The following PRKAR1B variants were observed in gnomAD, a reference collection of about 807,000 sequenced individuals.
PRKAR1B encodes cAMP-dependent protein kinase type I-beta regulatory subunit.
A neutral mutation model predicts 46.5 loss-of-function variants in PRKAR1B; 22 were observed. The observed-to-expected ratio is 0.47, with a 90% CI of 0.34 to 0.68. The LOEUF (loss-of-function observed/expected upper bound fraction) is 0.68. Among genes scored for constraint, PRKAR1B ranks in the 30% least tolerant of loss-of-function variants. The pLI is 0.01. For synonymous variants in PRKAR1B, 259 were observed against 217.7 expected (o/e 1.19, Z -1.67); for missense variants, 445 against 535.6 (o/e 0.83, Z 1.67).
intron 4 of PRKAR1B, among the ~76,000 whole-genome samples, chr7:634,223 T>C (rs1007143332): frequency 1.3e-5 from 2 of 151,722 alleles, no homozygotes; most frequent in East Asian, 2.0e-4. Flanking sequence ...GGGTTTCAAA[T>C]GTGTTGGCCA....
chr7:673,376 G>A (rs904030622), intron 4 of PRKAR1B, among the ~76,000 whole-genome samples: 10 of 152,066 alleles, frequency 6.6e-5, no homozygotes, highest in Middle Eastern at 3.2e-3. Flanking sequence ...TCAGCCGGGC[G>A]CGGTGGCTCA....
chr7:578,961 C>T (rs1222955967), intron 9 of PRKAR1B: 5 of 1,159,558 alleles, frequency 4.3e-6, no homozygotes, highest in South Asian at 3.2e-5. Flanking sequence ...GGATGACAGG[C>T]GTGAGCCGCC....
At chr7:638,374 G>C (rs75985116) in intron 4 of PRKAR1B, among the ~76,000 whole-genome samples, 3,665 of 152,254 alleles carry the variant, frequency 0.024, 107 homozygotes, top group African/African-American at 0.069. Flanking sequence ...AGCTCCCCCA[G>C]CTCCCTTCAC....
At chr7:563,623 C>T (rs1464080879) in intron 9 of PRKAR1B, among the ~76,000 whole-genome samples, 2 of 151,960 alleles carry the variant, frequency 1.3e-5, no homozygotes, top group Non-Finnish European at 2.9e-5. Flanking sequence ...TGTGTATGCA[C>T]TGTGTGTGTG....
intron 9 of PRKAR1B, chr7:561,809 C>G (rs552530585): frequency 6.6e-6 from 1 of 152,294 alleles, no homozygotes; most frequent in African/African-American, 2.4e-5. Flanking sequence ...GGAAACAAGC[C>G]GTTCCCGCGG....
rs889229541 is a variant in PRKAR1B at position 644,373 on chromosome 7, C to T, written c.440+32856G>A. ...ACAATGAGGTGGGGAAACTGAGGCG[C>T]GCACATTCGGAACGGGGTTTTGCTC... On this transcript the variant is annotated intron_variant, in intron 4 of 10. Coordinates refer to ENST00000537384, the MANE Select transcript of PRKAR1B (RefSeq NM_001164760.2). The surrounding 1 kb of genome is among the most constrained non-coding windows in gnomAD (Gnocchi z 4.9). 2.6e-5 allele frequency among the ~76,000 whole-genome samples: 4 copies of T among 152,182 alleles called. No individual in the cohort carries two copies. In the South Asian group the frequency reaches 6.2e-4, roughly 24 times the overall value.
At position 625,414 on chromosome 7, in the gene PRKAR1B, G is replaced by C. The variant is rs568737224; in HGVS notation, c.441-17962C>G. Among the ~76,000 whole-genome samples the C allele has an allele frequency of 1.6e-4, 25 of 152,296 alleles. 1 individual carries two copies. In the South Asian group the frequency reaches 4.1e-3, roughly 25 times the overall value. On this transcript the variant is annotated intron_variant, in intron 4 of 10. Transcript: ENST00000537384. Reference sequence around the variant, plus strand: ...AAAAGTAAGAATAAAAATTAAGACAGAAATAAATGGAATTGAAAATAGGAA... The same window carrying C: ...AAAAGTAAGAATAAAAATTAAGACACAAATAAATGGAATTGAAAATAGGAA...
rs564868438 is a variant in PRKAR1B, at chr7:586,953, G to A, written c.709-2385C>T. Reference sequence around the variant, plus strand: ...GGCTGGAGTGTAGTGGTGCGATCTCGGCTCACTGCAAGCTCCAACTCCCGG... The same window carrying A: ...GGCTGGAGTGTAGTGGTGCGATCTCAGCTCACTGCAAGCTCCAACTCCCGG... On this transcript the variant is annotated intron_variant, in intron 7 of 10. Coordinates refer to ENST00000537384, the MANE Select transcript of PRKAR1B (RefSeq NM_001164760.2). Among the ~76,000 whole-genome samples, 4 of 148,526 alleles carry A rather than the reference G, an allele frequency of 2.7e-5. No individual in the cohort carries two copies. In the South Asian group the frequency reaches 6.5e-4, roughly 24 times the overall value.
chr7:576,444 C>T (rs2128440717), intron 9 of PRKAR1B, among the ~76,000 whole-genome samples: 1 of 152,318 alleles, frequency 6.6e-6, no homozygotes, highest in South Asian at 2.1e-4. Context: ...GGCTCCCCCG[C>T]AAGGACCCCC....
chr7:610,592 G>A (rs982092279), intron 4 of PRKAR1B, among the ~76,000 whole-genome samples: 7 of 152,232 alleles, frequency 4.6e-5, no homozygotes, highest in East Asian at 1.9e-4. Flanking sequence ...GCTCATCGCC[G>A]ACAAAGGCCT....
At chr7:588,405 A>T (rs977145900) in intron 7 of PRKAR1B, among the ~76,000 whole-genome samples, 2 of 152,182 alleles carry the variant, frequency 1.3e-5, no homozygotes, top group Non-Finnish European at 2.9e-5. Context: ...GTTGCTGCTA[A>T]TGGTGATGGT....
intron 4 of PRKAR1B, among the ~76,000 whole-genome samples, chr7:615,589 G>T (rs1782759876): frequency 6.6e-6 from 1 of 151,894 alleles, no homozygotes. Context: ...TGTAATCCCA[G>T]CACTTTGGGA....
chr7:698,400 A>G (rs1779883841), intron 2 of PRKAR1B, among the ~76,000 whole-genome samples: 1 of 152,102 alleles, frequency 6.6e-6, no homozygotes, highest in Admixed American at 6.5e-5. Flanking sequence ...GCATGACTCT[A>G]TGTGTGCACA....
At position 556,609 on chromosome 7, in the gene PRKAR1B, G is replaced by A. The variant is rs192898298; in HGVS notation, c.892-5139C>T. On this transcript the variant is annotated intron_variant, in intron 9 of 10. Transcript: ENST00000537384. The stretch of plus-strand genomic sequence containing the variant: ...CCGTGAGGCAAAGGGGTCGGTCCCC[G>A]AGGCGTCCGCGTTCATCCCTCCCGG... 6.8e-3 allele frequency among the ~76,000 whole-genome samples: 1,038 copies of A among 152,332 alleles called. 14 individuals carry two copies. Among genetic ancestry groups the A allele is most frequent in the African/African-American group, 0.024 (992 of 41,572 alleles).
intron 7 of PRKAR1B, among the ~76,000 whole-genome samples, chr7:588,810 ATCACGATGATGG>A (rs1780794531): frequency 2.2e-5 from 1 of 45,084 alleles, no homozygotes; most frequent in Non-Finnish European, 4.3e-5. Context: ...GACAGTGGTG[ATCACGATGATGG>A]TGGTGATGGT....
At chr7:572,146 G>A (rs1029743491) in intron 9 of PRKAR1B, among the ~76,000 whole-genome samples, 8 of 152,150 alleles carry the variant, frequency 5.3e-5, no homozygotes, top group South Asian at 4.1e-4. Flanking sequence ...GACGCAGGAC[G>A]CCCAGGCCCT....
In PRKAR1B at chr7:556,617, C is replaced by CG. The variant is rs1347019221; in HGVS notation, c.892-5148dup. On this transcript the variant is annotated intron_variant, in intron 9 of 10. Transcript: ENST00000537384. Reference sequence around the variant, plus strand: ...CAAAGGGGTCGGTCCCCGAGGCGTCCGCGTTCATCCCTCCCGGAAGGGGCT... The same window carrying CG: ...CAAAGGGGTCGGTCCCCGAGGCGTCCGGCGTTCATCCCTCCCGGAAGGGGCT... Among the ~76,000 whole-genome samples the CG allele has an allele frequency of 2.5e-3, 385 of 152,330 alleles. 2 individuals carry two copies. Among genetic ancestry groups the CG allele is most frequent in the Admixed American group, 5.1e-3 (78 of 15,304 alleles).
intron 7 of PRKAR1B, among the ~76,000 whole-genome samples, chr7:589,260 G>A (rs978279095): frequency 6.6e-6 from 1 of 151,662 alleles, no homozygotes; most frequent in Non-Finnish European, 1.5e-5. Context: ...CTCCTTCTCT[G>A]TCCTCCCAAA....
At chr7:628,061 C>T (rs1783513493) in intron 4 of PRKAR1B, among the ~76,000 whole-genome samples, 2 of 152,164 alleles carry the variant, frequency 1.3e-5, no homozygotes, top group South Asian at 2.1e-4. Flanking sequence ...GAAGGCCCCC[C>T]GAACTCATCT....
Sources: gnomAD v4.1 joint callset for allele counts (sites outside exome capture counted in the v4.1 genomes callset) on GRCh38, gnomAD v4.1.1 for gene constraint, Gnocchi (gnomAD v3.1) non-coding constraint, MANE v1.5 for transcripts, NCBI Gene and HGNC (gene_info 2026-07-23, HGNC 2026-07-21) for gene names.